The following SPSB1 variants were observed in gnomAD, a reference collection of about 807,000 sequenced individuals.
SPSB1 encodes the protein SPRY domain-containing SOCS box protein 1.
Under a neutral mutation model 21.2 loss-of-function variants are expected in SPSB1, and 8 were observed. The observed-to-expected ratio is 0.38, with a 90% CI of 0.22 to 0.68. The LOEUF is 0.68. SPSB1 is among the 30% of genes least tolerant of loss of function. The pLI, the probability that SPSB1 is intolerant of heterozygous loss-of-function variation, is 0.53. For synonymous variants in SPSB1, 169 were observed against 161.7 expected (o/e 1.05, Z -0.34); for missense variants, 242 against 377.8 (o/e 0.64, Z 2.98).
Position 9,311,115 on chromosome 1 carries a change from C to A in SPSB1, c.-150+18044C>A, listed in dbSNP as rs147032816. Among the ~76,000 whole-genome samples the A allele has an allele frequency of 7.0e-3, 1,056 of 151,698 alleles. 9 individuals carry two copies. Among genetic ancestry groups the A allele is most frequent in the Non-Finnish European group, 0.012 (783 of 67,892 alleles). On this transcript the variant is annotated intron_variant, in intron 1 of 2. Coordinates refer to ENST00000328089, the MANE Select transcript of SPSB1 (RefSeq NM_025106.4). ...AGGCTCCCTGAAAGCCAAGTCCTTA[C>A]CCCCACGCCACTCTCAGGGGTGTCT...
chr1:9,303,861 A>G (rs887319577), intron 1 of SPSB1, among the ~76,000 whole-genome samples: 5 of 152,204 alleles, frequency 3.3e-5, no homozygotes, highest in South Asian at 4.1e-4. Flanking sequence ...GAATACCTGG[A>G]TAGATGGTAA....
intron 1 of SPSB1, among the ~76,000 whole-genome samples, chr1:9,322,157 G>A (rs778524564): frequency 6.6e-6 from 1 of 152,132 alleles, no homozygotes. Context: ...GGCTGGCTCC[G>A]TCTTTGCCTT....
intron 1 of SPSB1, among the ~76,000 whole-genome samples, chr1:9,341,098 C>G (rs1640083757): frequency 1.3e-5 from 2 of 152,200 alleles, no homozygotes; most frequent in African/African-American, 4.8e-5. Context: ...TTTTCCACTT[C>G]CCCTTTCTTC....
rs188437056 is a variant in SPSB1 at position 9,321,818 on chromosome 1, G to A, written c.-150+28747G>A. Among the ~76,000 whole-genome samples the A allele has an allele frequency of 2.0e-5, 3 of 152,298 alleles. No individual in the cohort carries two copies. The highest frequency in any genetic ancestry group is 4.8e-5 in the African/African-American group (2 of 41,552). ...TGGCCAGGGGCACCGCAGAGACCAC[G>A]GGAGAGGCTCTTCAGTGGCAGAAGT... On this transcript the variant is annotated intron_variant, in intron 1 of 2. Transcript: ENST00000328089. This position sits in a 1 kb window ranked among gnomAD's most constrained non-coding sequence, Gnocchi z 4.8.
chr1:9,330,632 C>T (rs778985164), intron 1 of SPSB1, among the ~76,000 whole-genome samples: 23 of 152,006 alleles, frequency 1.5e-4, no homozygotes, highest in Non-Finnish European at 2.8e-4. Context: ...GTTTGCCTGT[C>T]CTCTTCCTTT....
intron 1 of SPSB1, among the ~76,000 whole-genome samples, chr1:9,326,292 T>C (rs573009094): frequency 6.6e-6 from 1 of 152,290 alleles, no homozygotes; most frequent in African/African-American, 2.4e-5. Flanking sequence ...CAGGTTGCTT[T>C]TCTGATCCTC....
chr1:9,323,167 A>G (rs1270905724), intron 1 of SPSB1, among the ~76,000 whole-genome samples: 1 of 152,210 alleles, frequency 6.6e-6, no homozygotes, highest in Non-Finnish European at 1.5e-5. Context: ...GGAGGGGGGT[A>G]TCCATGGGGC....
rs559525092 is a variant in SPSB1, at chr1:9,366,598, C to T, written c.695-850C>T. On this transcript the variant is annotated intron_variant, in intron 2 of 2. Coordinates refer to ENST00000328089, the MANE Select transcript of SPSB1 (RefSeq NM_025106.4). The stretch of plus-strand genomic sequence containing the variant: ...AGTTCTTTTTTTTTTTTTTTTGGAC[C>T]GAGTCTTGCTCTGTCGCCCAGCTAG... Among the ~76,000 whole-genome samples the T allele has an allele frequency of 1.4e-3, 207 of 146,236 alleles. 1 individual carries two copies. The highest frequency in any genetic ancestry group is 5.2e-3 in the African/African-American group (193 of 37,366).
chr1:9,318,407 T>C (rs967463579), intron 1 of SPSB1, among the ~76,000 whole-genome samples: 3 of 152,216 alleles, frequency 2.0e-5, no homozygotes, highest in Admixed American at 6.5e-5. Flanking sequence ...AGACAGGGAA[T>C]GGGGACAGCG....
At chr1:9,320,666 T>A (rs1296074) in intron 1 of SPSB1, among the ~76,000 whole-genome samples, 2 of 151,940 alleles carry the variant, frequency 1.3e-5, no homozygotes, top group Non-Finnish European at 2.9e-5. Flanking sequence ...GATCATTTTC[T>A]AGACATTGCC....
chr1:9,309,506 A>G (rs1318678736), intron 1 of SPSB1, among the ~76,000 whole-genome samples: 1 of 151,976 alleles, frequency 6.6e-6, no homozygotes, highest in Non-Finnish European at 1.5e-5. Context: ...TTTTGTAGAG[A>G]TGGGGTCTCG....
rs555916817 is a variant in SPSB1 at position 9,301,891 on chromosome 1, T to G, written c.-150+8820T>G. Among the ~76,000 whole-genome samples the G allele has an allele frequency of 1.6e-4, 24 of 152,304 alleles. No individual in the cohort carries two copies. In the East Asian group the frequency reaches 4.4e-3, roughly 28 times the overall value. On this transcript the variant is annotated intron_variant, in intron 1 of 2. Coordinates refer to ENST00000328089, the MANE Select transcript of SPSB1 (RefSeq NM_025106.4). ...CACTTCTGTTTTGGAAGGGGCAGCG[T>G]TTTGTCCTTACTGGAGCAGGCACTT...
At chr1:9,338,271 C>T (rs563229311) in intron 1 of SPSB1, among the ~76,000 whole-genome samples, 9 of 152,176 alleles carry the variant, frequency 5.9e-5, no homozygotes, top group African/African-American at 9.6e-5. Context: ...GCCGTGGGCT[C>T]CCCAGGACCC....
Position 9,292,940 on chromosome 1 carries a change from A to C in SPSB1, c.-281A>C. On this transcript the variant is annotated 5_prime_UTR_variant, in exon 1 of 3. Coordinates refer to ENST00000328089, the MANE Select transcript of SPSB1 (RefSeq NM_025106.4). ...AGCCTGCGCGCTCGCAGCAGGAACC[A>C]GGCTCCAGGCGCCGGCGCCGGGGCC... The C allele has an allele frequency of 1.1e-6, 1 of 900,684 alleles. No homozygotes were observed. Among genetic ancestry groups the C allele is most frequent in the Non-Finnish European group, 1.3e-6 (1 of 797,320 alleles). The allele number at this position is 900,684 out of a possible 1,614,324, so 55.8% of individuals were successfully genotyped here.
At chr1:9,339,615 C>CT (rs1345707532) in intron 1 of SPSB1, among the ~76,000 whole-genome samples, 1 of 152,188 alleles carries the variant, frequency 6.6e-6, no homozygotes, top group East Asian at 1.9e-4. Flanking sequence ...CCACTGGTGT[C>CT]TAAGGGACCT....
chr1:9,348,000 A>C (rs2100507698), intron 1 of SPSB1, among the ~76,000 whole-genome samples: 1 of 145,622 alleles, frequency 6.9e-6, no homozygotes, highest in African/African-American at 2.6e-5. Flanking sequence ...GTTCGAGTGC[A>C]GTGGTGCGAT....
intron 1 of SPSB1, among the ~76,000 whole-genome samples, chr1:9,306,252 TC>T (rs1268337627): frequency 6.6e-6 from 1 of 152,218 alleles, no homozygotes; most frequent in Non-Finnish European, 1.5e-5. Flanking sequence ...CTCTGGGCCT[TC>T]CTAGCCGCGT....
intron 1 of SPSB1, among the ~76,000 whole-genome samples, chr1:9,298,415 TGAATAAGTGAAC>T (rs2100457979): frequency 1.1e-5 from 1 of 90,916 alleles, no homozygotes; most frequent in African/African-American, 4.4e-5. Flanking sequence ...AACGAATGAA[TGAATAAGTGAAC>T]GAATGAATGA....
chr1:9,304,681 T>TG (rs1486277345), intron 1 of SPSB1, among the ~76,000 whole-genome samples: 5 of 152,070 alleles, frequency 3.3e-5, no homozygotes, highest in Non-Finnish European at 2.9e-5. Context: ...ACCTACAGGC[T>TG]GGGGGACTAG....
Sources: gnomAD v4.1 joint callset for allele counts (sites outside exome capture counted in the v4.1 genomes callset) on GRCh38, gnomAD v4.1.1 for gene constraint, Gnocchi (gnomAD v3.1) non-coding constraint, MANE v1.5 for transcripts, NCBI Gene and HGNC (gene_info 2026-07-23, HGNC 2026-07-21) for gene names.